Variants in GABRA3 observed in about 807,000 individuals in gnomAD.
The protein encoded by GABRA3 is gamma-aminobutyric acid type A receptor subunit alpha3.
A neutral mutation model predicts 30.1 loss-of-function variants in GABRA3; 10 were observed. The observed-to-expected ratio is 0.33, with a 90% confidence interval of 0.20 to 0.56. GABRA3 has a LOEUF of 0.56. GABRA3 is among the 20% of genes least tolerant of loss of function. GABRA3 has a pLI of 0.89. For missense variants in GABRA3, 233 were observed against 392.0 expected (o/e 0.59, Z 3.42); for synonymous variants, 151 against 146.8 (o/e 1.03, Z -0.21).
chrX:152,308,989 T>A (rs755970645), intron 3 of GABRA3, among the ~76,000 whole-genome samples: 1 of 112,457 alleles, frequency 8.9e-6, no homozygotes, highest in East Asian at 2.8e-4. Context: ...AATTTTGTAA[T>A]ACAGAAGAAA....
At chrX:152,211,077 C>A (rs1937624914) in intron 6 of GABRA3, among the ~76,000 whole-genome samples, 1 of 110,700 alleles carries the variant, frequency 9.0e-6, no homozygotes, top group Non-Finnish European at 1.9e-5. Flanking sequence ...CTGTATAGGT[C>A]TTCTTACCTT....
intron 1 of GABRA3, among the ~76,000 whole-genome samples, chrX:152,390,496 G>T (rs1929448927): frequency 8.9e-6 from 1 of 112,441 alleles, no homozygotes; most frequent in African/African-American, 3.2e-5. Context: ...AGAAATGGTA[G>T]GTCAAGAAAG....
At chrX:152,287,130 T>C (rs897205429) in intron 3 of GABRA3, among the ~76,000 whole-genome samples, 9 of 112,341 alleles carry the variant, frequency 8.0e-5, no homozygotes, top group African/African-American at 2.3e-4. Flanking sequence ...ACCACCATTA[T>C]ATTTGAATCC....
chrX:152,201,017 G>A (rs1430974432), intron 7 of GABRA3, among the ~76,000 whole-genome samples: 1 of 112,184 alleles, frequency 8.9e-6, no homozygotes, highest in Non-Finnish European at 1.9e-5. Flanking sequence ...GGCTATCCGG[G>A]TCCAGTGTGA....
intron 5 of GABRA3, among the ~76,000 whole-genome samples, chrX:152,249,409 C>T (rs1476009769): frequency 1.8e-5 from 2 of 111,088 alleles, no homozygotes; most frequent in Admixed American, 9.6e-5. Flanking sequence ...CGTAAAGTAC[C>T]TAACAAATAG....
chrX:152,171,139 GAAAA>G lies in GABRA3; in HGVS notation c.1144-2580_1144-2577del. On this transcript the variant is annotated intron_variant, in intron 9 of 9. Transcript: ENST00000370314. The stretch of plus-strand genomic sequence containing the variant: ...CAAAAATTATAGGAAAGAAAGAAAA[GAAAA>G]AAGAAAGGAAAGAAAATATTGCCCT... 2.7e-5 allele frequency among the ~76,000 whole-genome samples: 3 copies of G among 111,363 alleles called. No homozygotes were observed. The Admixed American group carries it at 2.9e-4, about 11-fold the overall frequency.
chrX:152,421,679 T>C (rs896508037), intron 1 of GABRA3, among the ~76,000 whole-genome samples: 2 of 111,443 alleles, frequency 1.8e-5, no homozygotes, highest in Admixed American at 9.6e-5. Context: ...TATAAAGAAT[T>C]ATAAATCAGT....
Position 152,434,942 on chromosome X carries a change from C to T in GABRA3, c.-27+16204G>A, listed in dbSNP as rs1018425857. Among the ~76,000 whole-genome samples, 12 of 111,663 alleles carry T rather than the reference C, an allele frequency of 1.1e-4. No individual in the cohort carries two copies. The East Asian group carries it at 1.1e-3, about 10-fold the overall frequency. On this transcript the variant is annotated intron_variant, in intron 1 of 9. Transcript: ENST00000370314. Reference sequence around the variant, plus strand: ...CCAAAGATGGCACCACAGTTAATGGCGAAAGACTGAATATTTCCTGCAATA... The same window carrying T: ...CCAAAGATGGCACCACAGTTAATGGTGAAAGACTGAATATTTCCTGCAATA...
Position 152,411,949 on chromosome X carries a change from G to A in GABRA3, c.-27+39197C>T, listed in dbSNP as rs184107148. The stretch of plus-strand genomic sequence containing the variant: ...ATGTAAATTATATCTCGATAAAGCT[G>A]TTTTTTAAAAAAAGAATCACATAAA... On this transcript the variant is annotated intron_variant, in intron 1 of 9. Transcript: ENST00000370314. 3.2e-4 allele frequency among the ~76,000 whole-genome samples: 36 copies of A among 111,125 alleles called. No individual in the cohort carries two copies. In the East Asian group the frequency reaches 1.0e-2, roughly 31 times the overall value.
intron 6 of GABRA3, among the ~76,000 whole-genome samples, chrX:152,223,415 T>C (rs763822599): frequency 1.8e-5 from 2 of 111,715 alleles, no homozygotes; most frequent in East Asian, 5.7e-4. Flanking sequence ...AGTCAGATAA[T>C]GCCATTCTTT....
chrX:152,431,520 C>T (rs746459116), intron 1 of GABRA3, among the ~76,000 whole-genome samples: 4 of 111,594 alleles, frequency 3.6e-5, no homozygotes, highest in Non-Finnish European at 7.5e-5. Context: ...ATATGGTAGG[C>T]AGAATAATGG....
intron 4 of GABRA3, among the ~76,000 whole-genome samples, chrX:152,265,031 G>A (rs960437264): frequency 4.5e-5 from 5 of 111,353 alleles, no homozygotes; most frequent in Non-Finnish European, 9.5e-5. Flanking sequence ...GAGAGATGGA[G>A]CCCTATGCAA....
intron 1 of GABRA3, among the ~76,000 whole-genome samples, chrX:152,444,747 TGTTTTTTTTTG>T (rs1430706356): frequency 1.3e-4 from 9 of 69,599 alleles, no homozygotes; most frequent in African/African-American, 2.2e-4. Flanking sequence ...TTTTTTTTTT[TGTTTTTTTTTG>T]TTTGTTTGTT....
chrX:152,413,433 G>C (rs1930124988), intron 1 of GABRA3, among the ~76,000 whole-genome samples: 1 of 111,285 alleles, frequency 9.0e-6, no homozygotes, highest in South Asian at 3.7e-4. Flanking sequence ...TTAGCAAATT[G>C]AGTCCATCAA....
intron 5 of GABRA3, among the ~76,000 whole-genome samples, chrX:152,249,127 T>G (rs1205607872): frequency 1.8e-5 from 2 of 110,953 alleles, no homozygotes; most frequent in Non-Finnish European, 1.9e-5. Flanking sequence ...TTCCAAAATC[T>G]TATTACTCCT....
At chrX:152,233,638 C>T (rs755756673) in intron 5 of GABRA3, among the ~76,000 whole-genome samples, 230 of 108,666 alleles carry the variant, frequency 2.1e-3, no homozygotes, top group African/African-American at 7.1e-3. Context: ...GTCGGTGTGG[C>T]GATTCCTCAG....
chrX:152,174,511 T>C (rs2124327543), intron 9 of GABRA3, among the ~76,000 whole-genome samples: 1 of 112,369 alleles, frequency 8.9e-6, no homozygotes, highest in South Asian at 3.7e-4. Context: ...TATCTCATTG[T>C]GGTTTTGGTT....
rs770700760 is a variant in GABRA3, at chrX:152,276,088, A to G, written c.330+8580T>C. Among the ~76,000 whole-genome samples the G allele has an allele frequency of 2.0e-3, 220 of 110,709 alleles. 1 individual carries two copies. The highest frequency in any genetic ancestry group is 9.4e-3 in the Middle Eastern group (2 of 212). On this transcript the variant is annotated intron_variant, in intron 4 of 9. Transcript: ENST00000370314. ...AATACAGGCCAAAGGAAGAGTTACA[A>G]AATTTCAAATACATTCATTATTAAA...
chrX:152,335,032 T>C (rs1940213693), intron 3 of GABRA3, among the ~76,000 whole-genome samples: 1 of 111,726 alleles, frequency 9.0e-6, no homozygotes, highest in African/African-American at 3.3e-5. Context: ...TCTAAGCAAC[T>C]TTGGCTGAGA....
Sources: gnomAD v4.1 joint callset for allele counts (sites outside exome capture counted in the v4.1 genomes callset) on GRCh38, gnomAD v4.1.1 for gene constraint, MANE v1.5 for transcripts, NCBI Gene and HGNC (gene_info 2026-07-23, HGNC 2026-07-21) for gene names.